ARHGEF18: variants seen among roughly 807,000 people sequenced by gnomAD.
ARHGEF18 encodes the protein rho guanine nucleotide exchange factor 18.
ARHGEF18 carries 93 observed loss-of-function variants against 155.7 expected under a neutral mutation model. The observed-to-expected ratio is 0.60, with a 90% confidence interval of 0.50 to 0.71. The LOEUF is 0.71. Among genes scored for constraint, ARHGEF18 ranks in the 30% least tolerant of loss-of-function variants. The pLI is 0.00. For missense variants in ARHGEF18, 1,593 were observed against 1,816.1 expected, an observed-to-expected ratio of 0.88 and a Z score of 2.23; for synonymous variants, 742 against 753.1, an observed-to-expected ratio of 0.99 and a Z score of 0.24.
At chr19:7,411,767 C>A (rs1311771162) in intron 10 of ARHGEF18, among the ~76,000 whole-genome samples, 1 of 152,084 alleles carries the variant, frequency 6.6e-6, no homozygotes. Flanking sequence ...ACTCTCCATC[C>A]CCCTCCCCAG....
At position 7,470,025 on chromosome 19, in the gene ARHGEF18, A is replaced by G. The variant is rs747313803; in HGVS notation, c.3909A>G (p.Pro1303=). ...ILPGRHSPAP[P]PDPGFPAPSP... The stretch of plus-strand genomic sequence containing the variant: ...CCGGCAGACACAGTCCTGCGCCCCC[A>G]CCAGGTGAGCCCCCACCCCCTGACA... The change falls in exon 28 of 29, where the codon CCA becomes CCG. Residue 1303 remains proline (P), a synonymous_variant. Transcript: ENST00000668164. The surrounding 1 kb of genome is among the most constrained non-coding windows in gnomAD (Gnocchi z 5.9). The G allele has an allele frequency of 6.8e-6, 11 of 1,611,632 alleles. No individual in the cohort carries two copies. The African/African-American group carries it at 1.5e-4, about 22-fold the overall frequency.
chr19:7,428,441 G>A (rs1973776733), intron 10 of ARHGEF18, among the ~76,000 whole-genome samples: 1 of 152,044 alleles, frequency 6.6e-6, no homozygotes, highest in African/African-American at 2.4e-5. Flanking sequence ...CTCTCAAGCT[G>A]GAGTGCAGTG....
At chr19:7,411,717 T>A (rs1358212346) in intron 10 of ARHGEF18, among the ~76,000 whole-genome samples, 2 of 152,092 alleles carry the variant, frequency 1.3e-5, no homozygotes, top group Non-Finnish European at 2.9e-5. Flanking sequence ...TAGAACTTTC[T>A]CCTCTTCCCA....
intron 8 of ARHGEF18, among the ~76,000 whole-genome samples, chr19:7,381,622 G>A (rs1970739084): frequency 6.6e-6 from 1 of 151,872 alleles, no homozygotes. Flanking sequence ...AGGTTGCAGT[G>A]AGCCAAGATC....
rs1247569650 is a variant in ARHGEF18, at chr19:7,463,195, G to A, written c.2636-623G>A. On this transcript the variant is annotated intron_variant, in intron 21 of 28. Transcript: ENST00000668164. This position sits in a 1 kb window ranked among gnomAD's most constrained non-coding sequence, Gnocchi z 5.2. ...AGCCCCTGCCTTCCAGAGCCTTTCC[G>A]CAGAATAAGACGGCAGAGACGGGGG... 6.6e-5 allele frequency among the ~76,000 whole-genome samples: 10 copies of A among 152,128 alleles called. No individual in the cohort carries two copies. The highest frequency in any genetic ancestry group is 2.4e-4 in the African/African-American group (10 of 41,408).
intron 10 of ARHGEF18, among the ~76,000 whole-genome samples, chr19:7,389,367 C>T (rs988725719): frequency 1.4e-5 from 2 of 146,452 alleles, no homozygotes; most frequent in Non-Finnish European, 3.0e-5. Context: ...GTCACATTGC[C>T]CAAGTTGGTC....
chr19:7,416,261 C>G (rs1413355852), intron 10 of ARHGEF18, among the ~76,000 whole-genome samples: 1 of 151,764 alleles, frequency 6.6e-6, no homozygotes, highest in Non-Finnish European at 1.5e-5. Context: ...TTTTAATTAG[C>G]CAGGCATGGT....
At chr19:7,386,642 C>G (rs1485591516) in intron 10 of ARHGEF18, among the ~76,000 whole-genome samples, 2 of 152,044 alleles carry the variant, frequency 1.3e-5, no homozygotes, top group African/African-American at 4.8e-5. Context: ...GTGCCCCGGG[C>G]AGCAGAAAGG....
intron 10 of ARHGEF18, among the ~76,000 whole-genome samples, chr19:7,407,736 G>A (rs990211434): frequency 7.9e-5 from 12 of 152,014 alleles, no homozygotes; most frequent in African/African-American, 2.9e-4. Context: ...GCCGAGACGG[G>A]CGGATCACGA....
chr19:7,409,573 G>T (rs904821874), intron 10 of ARHGEF18, among the ~76,000 whole-genome samples: 1 of 151,204 alleles, frequency 6.6e-6, no homozygotes, highest in Non-Finnish European at 1.5e-5. Flanking sequence ...GATTACAGGC[G>T]CCTGCCACCA....
At chr19:7,392,266 C>T (rs918343031) in intron 10 of ARHGEF18, among the ~76,000 whole-genome samples, 4 of 144,272 alleles carry the variant, frequency 2.8e-5, no homozygotes, top group African/African-American at 1.0e-4. Flanking sequence ...AAAAAAGACT[C>T]ATAAATGCAG....
In ARHGEF18 at chr19:7,463,608, C is replaced by T. The variant is rs542473643; in HGVS notation, c.2636-210C>T. Among the ~76,000 whole-genome samples, 22 of 152,290 alleles carry T rather than the reference C, an allele frequency of 1.4e-4. No individual in the cohort carries two copies. Among genetic ancestry groups the T allele is most frequent in the Non-Finnish European group, 2.2e-4 (15 of 68,022 alleles). On this transcript the variant is annotated intron_variant, in intron 21 of 28. Transcript: ENST00000668164. The surrounding 1 kb of genome is among the most constrained non-coding windows in gnomAD (Gnocchi z 5.2). ...CCACAGCCCTGTCCTCTCACTTAGA[C>T]GCAGATTGGCCTGTCCTGGTGGCCA...
intron 1 of ARHGEF18, among the ~76,000 whole-genome samples, chr19:7,354,050 C>A (rs958953283): frequency 3.9e-4 from 59 of 152,124 alleles, no homozygotes; most frequent in African/African-American, 1.4e-3. Context: ...ATGGCTCACG[C>A]CTGTAATCCC....
Position 7,463,035 on chromosome 19 carries a change from T to C in ARHGEF18, c.2635+701T>C, listed in dbSNP as rs559236506. On this transcript the variant is annotated intron_variant, in intron 21 of 28. Transcript: ENST00000668164. This position sits in a 1 kb window ranked among gnomAD's most constrained non-coding sequence, Gnocchi z 5.2. ...TTTTCGTAGAGATGGGGTTTCACCATGTTGGCCAGGCTGGTCTCGAACTCC... is the reference window on the plus strand; with the variant it reads ...TTTTCGTAGAGATGGGGTTTCACCACGTTGGCCAGGCTGGTCTCGAACTCC... 6.6e-6 allele frequency among the ~76,000 whole-genome samples: 1 copy of C among 152,150 alleles called. No individual in the cohort carries two copies. Among genetic ancestry groups the C allele is most frequent in the Non-Finnish European group, 1.5e-5 (1 of 67,990 alleles).
At chr19:7,459,407 A>T (rs1976057792) in intron 19 of ARHGEF18, among the ~76,000 whole-genome samples, 1 of 151,864 alleles carries the variant, frequency 6.6e-6, no homozygotes, top group South Asian at 2.1e-4. Context: ...TTTTGTAGAG[A>T]TGGGGCCTCA....
chr19:7,354,574 C>T (rs995575743), intron 1 of ARHGEF18, among the ~76,000 whole-genome samples: 16 of 152,116 alleles, frequency 1.1e-4, no homozygotes, highest in African/African-American at 3.9e-4. Context: ...CGGATGAGCA[C>T]TCGTTGACAC....
intron 10 of ARHGEF18, among the ~76,000 whole-genome samples, chr19:7,400,442 C>T (rs1223662561): frequency 1.3e-5 from 2 of 152,132 alleles, no homozygotes; most frequent in African/African-American, 4.8e-5. Context: ...CATCAGCCAC[C>T]ATACCTGGCT....
At chr19:7,412,571 G>T (rs544199524) in intron 10 of ARHGEF18, among the ~76,000 whole-genome samples, 1 of 151,662 alleles carries the variant, frequency 6.6e-6, no homozygotes. Flanking sequence ...GCAAAACCCC[G>T]TCTTTACTAA....
In ARHGEF18 at chr19:7,462,238, C is replaced by T; in HGVS notation, c.2539C>T (p.Leu847Phe). The T allele has an allele frequency of 6.2e-7, 1 of 1,613,914 alleles. No homozygotes were observed. Among genetic ancestry groups the T allele is most frequent in the East Asian group, 2.2e-5 (1 of 44,882 alleles). The change falls in exon 21 of 29, where the codon CTC becomes TTC. Residue 847 changes from leucine to phenylalanine, a missense_variant. Physicochemically the swap from Leu to Phe is conservative, Grantham distance 22. Transcript: ENST00000668164. This position sits in a 1 kb window ranked among gnomAD's most constrained non-coding sequence, Gnocchi z 4.4. Reference sequence around the variant, plus strand: ...CCTGGAGATGGCCGAGATGGGCGGCCTCGAAGACCTGCCCCAGCCCCGAGG... The same window carrying T: ...CCTGGAGATGGCCGAGATGGGCGGCTTCGAAGACCTGCCCCAGCCCCGAGG... ...IYLEMAEMGG[L>F]EDLPQPRGLF...
Sources: gnomAD v4.1 joint callset for allele counts (sites outside exome capture counted in the v4.1 genomes callset) on GRCh38, gnomAD v4.1.1 for gene constraint, Gnocchi (gnomAD v3.1) non-coding constraint, MANE v1.5 for transcripts, NCBI Gene and HGNC (gene_info 2026-07-23, HGNC 2026-07-21) for gene names.